Variants in MYT1L observed in about 807,000 individuals in gnomAD.
MYT1L encodes the protein myelin transcription factor 1-like protein.
MYT1L carries 12 observed loss-of-function variants against 126.7 expected under a neutral mutation model. The observed-to-expected ratio is 0.09, with a 90% confidence interval of 0.06 to 0.15. The LOEUF is 0.15. MYT1L is among the 10% of genes least tolerant of loss of function. The probability of loss-of-function intolerance (pLI) is 1.00; values close to 1 mark genes in which losing one functional copy is unlikely to be tolerated. For synonymous variants in MYT1L, 541 were observed against 604.2 expected, an observed-to-expected ratio of 0.90 and a Z score of 1.53; for missense variants, 979 against 1,585.2, an observed-to-expected ratio of 0.62 and a Z score of 6.49.
chr2:1,889,124 G>A lies in MYT1L; in HGVS notation c.2520+117C>T, dbSNP rs1248843391. ...TTTTCTAAGTCCTCCTCAGCTAAAG[G>A]TCATATTTAAAGAGAAAATATATTT... On this transcript the variant is annotated intron_variant, in intron 16 of 24. Coordinates refer to ENST00000647738, the MANE Select transcript of MYT1L (RefSeq NM_001303052.2). This position sits in a 1 kb window ranked among gnomAD's most constrained non-coding sequence, Gnocchi z 4.1. The A allele has an allele frequency of 8.0e-6, 6 of 749,700 alleles. No homozygotes were observed. In the East Asian group the frequency reaches 1.6e-4, roughly 20 times the overall value. 46.4% of individuals were successfully genotyped at this position (749,700 alleles called of 1,614,324 possible). A position where few individuals can be genotyped will look rare whatever the true frequency, so the allele number is the denominator to read the frequency against.
At chr2:1,956,536 TCTA>T (rs2058452738) in intron 8 of MYT1L, among the ~76,000 whole-genome samples, 1 of 150,498 alleles carries the variant, frequency 6.6e-6, no homozygotes, top group African/African-American at 2.5e-5. Flanking sequence ...TATCTATCTA[TCTA>T]TCTATCTATC....
intron 8 of MYT1L, among the ~76,000 whole-genome samples, chr2:1,962,441 C>A (rs1001088843): frequency 2.0e-5 from 3 of 152,140 alleles, no homozygotes; most frequent in Non-Finnish European, 4.4e-5. Flanking sequence ...TTTTTGCTGG[C>A]GGAGGGTCTT....
At chr2:1,836,781 C>A (rs535052703) in intron 21 of MYT1L, among the ~76,000 whole-genome samples, 3 of 149,190 alleles carry the variant, frequency 2.0e-5, no homozygotes, top group Non-Finnish European at 4.5e-5. Flanking sequence ...CATCAGCCTG[C>A]ACCCCAAGAT....
At chr2:1,985,970 T>C (rs1560624) in intron 5 of MYT1L, among the ~76,000 whole-genome samples, 62,075 of 152,004 alleles carry the variant, frequency 0.41, 15,658 homozygotes, top group African/African-American at 0.72. Context: ...CCAACAGAGG[T>C]GGGAGGACAG....
chr2:1,832,006 A>G (rs1255002515), intron 21 of MYT1L, among the ~76,000 whole-genome samples: 1 of 152,112 alleles, frequency 6.6e-6, no homozygotes, highest in Non-Finnish European at 1.5e-5. Flanking sequence ...CAGAATCTCA[A>G]GTTCACGTAT....
At chr2:1,802,254 G>A (rs191442246) in intron 22 of MYT1L, among the ~76,000 whole-genome samples, 1 of 152,278 alleles carries the variant, frequency 6.6e-6, no homozygotes, top group East Asian at 1.9e-4. Context: ...AACAAGGCCA[G>A]GTCCTCCCGC....
At chr2:1,909,249 A>G (rs1199700921) in intron 13 of MYT1L, among the ~76,000 whole-genome samples, 1 of 152,184 alleles carries the variant, frequency 6.6e-6, no homozygotes, top group Non-Finnish European at 1.5e-5. Flanking sequence ...CAGCCTTCTG[A>G]GTAGCCAAAG....
chr2:2,131,458 T>C (rs2082339297), intron 3 of MYT1L, among the ~76,000 whole-genome samples: 1 of 152,208 alleles, frequency 6.6e-6, no homozygotes, highest in African/African-American at 2.4e-5. Flanking sequence ...GTCATTTTAT[T>C]GGTGAAAGGG....
At chr2:2,194,294 G>A (rs1473485834) in intron 2 of MYT1L, among the ~76,000 whole-genome samples, 2 of 152,016 alleles carry the variant, frequency 1.3e-5, no homozygotes, top group Admixed American at 1.3e-4. Flanking sequence ...TGCCCAGGCT[G>A]GTCTTGAGCT....
At chr2:2,053,919 T>G (rs2069150815) in intron 4 of MYT1L, 59 bp downstream of exon 4, 1 of 152,698 alleles carries the variant, frequency 6.5e-6, no homozygotes, top group Non-Finnish European at 1.5e-5. Context: ...AAGGTAAATA[T>G]GCAAAACACC....
chr2:1,860,347 C>G (rs2044428746), intron 18 of MYT1L, among the ~76,000 whole-genome samples: 1 of 152,168 alleles, frequency 6.6e-6, no homozygotes, highest in Non-Finnish European at 1.5e-5. Context: ...GTGCAGCTGA[C>G]GCAAGGCAAC....
chr2:1,856,092 AC>A (rs1410528071), intron 18 of MYT1L, among the ~76,000 whole-genome samples: 9 of 152,310 alleles, frequency 5.9e-5, no homozygotes, highest in South Asian at 2.1e-4. Context: ...ACAAAACAAA[AC>A]AAAACCACCC....
chr2:2,174,144 T>C (rs1385958946), intron 2 of MYT1L, among the ~76,000 whole-genome samples: 1 of 152,238 alleles, frequency 6.6e-6, no homozygotes, highest in South Asian at 2.1e-4. Flanking sequence ...AAAATTTGAA[T>C]GAGAGTTAGC....
Position 1,949,654 on chromosome 2 carries a change from G to A in MYT1L, c.153-6320C>T, listed in dbSNP as rs576114644. 2.0e-5 allele frequency among the ~76,000 whole-genome samples: 3 copies of A among 152,326 alleles called. No individual in the cohort carries two copies. The East Asian group carries it at 5.8e-4, about 29-fold the overall frequency. On this transcript the variant is annotated intron_variant, in intron 8 of 24. Transcript: ENST00000647738. ...TTTATCCAATTTTAATATAAACAGG[G>A]ATAAGGTCTCAAGTAACTGAAAACC...
chr2:2,281,591 T>G (rs903109165), intron 2 of MYT1L, among the ~76,000 whole-genome samples: 2 of 152,170 alleles, frequency 1.3e-5, no homozygotes, highest in Admixed American at 6.5e-5. Flanking sequence ...AATGATCCAA[T>G]TACCTTGAAT....
chr2:2,080,883 T>C (rs896834232), intron 3 of MYT1L, among the ~76,000 whole-genome samples: 1 of 152,198 alleles, frequency 6.6e-6, no homozygotes, highest in Non-Finnish European at 1.5e-5. Flanking sequence ...GACATTATGC[T>C]AAATGAAAGA....
chr2:1,850,745 A>G (rs1260391032), intron 19 of MYT1L, among the ~76,000 whole-genome samples: 1 of 152,128 alleles, frequency 6.6e-6, no homozygotes, highest in Non-Finnish European at 1.5e-5. Flanking sequence ...CTGGCCGGCC[A>G]TCAGCAATGA....
intron 2 of MYT1L, among the ~76,000 whole-genome samples, chr2:2,207,962 C>T (rs1294596148): frequency 6.6e-6 from 1 of 152,142 alleles, no homozygotes; most frequent in East Asian, 1.9e-4. Flanking sequence ...CTGGGGCCCC[C>T]TATTGTCCAC....
intron 2 of MYT1L, among the ~76,000 whole-genome samples, chr2:2,275,250 G>C (rs539046035): frequency 2.0e-5 from 3 of 150,526 alleles, no homozygotes; most frequent in Non-Finnish European, 3.0e-5. Context: ...GTGTGTGCAT[G>C]CCTGTTATAG....
Sources: gnomAD v4.1 joint callset for allele counts (sites outside exome capture counted in the v4.1 genomes callset) on GRCh38, gnomAD v4.1.1 for gene constraint, Gnocchi (gnomAD v3.1) non-coding constraint, MANE v1.5 for transcripts, NCBI Gene and HGNC (gene_info 2026-07-23, HGNC 2026-07-21) for gene names.